The following BIRC6 variants were observed in gnomAD, a reference collection of about 807,000 sequenced individuals.
The protein encoded by BIRC6 is baculoviral IAP repeat containing 6, also known as dual E2 ubiquitin-conjugating enzyme/E3 ubiquitin-protein ligase BIRC6.
In BIRC6, 98 loss-of-function variants were observed where a neutral mutation model predicts 503.3. The observed-to-expected ratio is 0.19, with a 90% CI of 0.17 to 0.23. The LOEUF is 0.23. Among genes scored for constraint, BIRC6 ranks in the 10% least tolerant of loss-of-function variants. The probability of loss-of-function intolerance (pLI) is 1.00; values close to 1 mark genes in which losing one functional copy is unlikely to be tolerated. For missense variants in BIRC6, 5,360 were observed against 5,806.0 expected (o/e 0.92, Z 2.50); for synonymous variants, 2,240 against 2,078.7 (o/e 1.08, Z -2.11).
chr2:32,454,345 C>CT (rs934417216), intron 23 of BIRC6, among the ~76,000 whole-genome samples: 2 of 151,956 alleles, frequency 1.3e-5, no homozygotes, highest in Non-Finnish European at 2.9e-5. Flanking sequence ...TTAAAACAAC[C>CT]TTGAATATGT....
intron 8 of BIRC6, among the ~76,000 whole-genome samples, chr2:32,404,333 T>C (rs1389044820): frequency 6.6e-6 from 1 of 152,120 alleles, no homozygotes; most frequent in Admixed American, 6.5e-5. Flanking sequence ...TTTTTCTTTT[T>C]TTTTGAGAGA....
intron 22 of BIRC6, among the ~76,000 whole-genome samples, chr2:32,450,509 G>A (rs1207132839): frequency 6.6e-6 from 1 of 151,998 alleles, no homozygotes; most frequent in Non-Finnish European, 1.5e-5. Flanking sequence ...TCATTGTGTT[G>A]TTCCTCATTA....
At chr2:32,462,576 G>A (rs532892408) in intron 23 of BIRC6, among the ~76,000 whole-genome samples, 25 of 152,212 alleles carry the variant, frequency 1.6e-4, no homozygotes, top group African/African-American at 5.5e-4. Context: ...ACTTAGTAAA[G>A]CAAATTTATT....
chr2:32,508,770 A>G (rs2054075234), intron 51 of BIRC6, among the ~76,000 whole-genome samples: 1 of 152,120 alleles, frequency 6.6e-6, no homozygotes, highest in Non-Finnish European at 1.5e-5. Context: ...GATGGATTTT[A>G]TTGAAAGTTC....
intron 51 of BIRC6, 71 bp downstream of exon 51, chr2:32,508,330 ATTATT>A (rs1396590830): frequency 1.9e-5 from 25 of 1,346,792 alleles, no homozygotes; most frequent in Non-Finnish European, 2.4e-5. Context: ...AGGGGACTTA[ATTATT>A]TTGTGGGTTT....
At chr2:32,525,306 C>T (rs1045104771) in intron 58 of BIRC6, among the ~76,000 whole-genome samples, 158 bp from the exon 59 acceptor site, 15 of 152,026 alleles carry the variant, frequency 9.9e-5, no homozygotes, top group African/African-American at 2.7e-4. Context: ...TCATGAAGGA[C>T]GAATAGAATT....
At chr2:32,496,152 A>C (rs2052442602) in intron 45 of BIRC6, among the ~76,000 whole-genome samples, 2 of 151,840 alleles carry the variant, frequency 1.3e-5, no homozygotes, top group Non-Finnish European at 2.9e-5. Context: ...TTTTTTGAAA[A>C]TACTTTCCTT....
intron 23 of BIRC6, among the ~76,000 whole-genome samples, chr2:32,461,022 CTT>C (rs2047854343): frequency 9.0e-5 from 6 of 66,566 alleles, no homozygotes; most frequent in Non-Finnish European, 2.0e-4. Context: ...CTTCTCTTCT[CTT>C]CTCTTCTCTT....
Position 32,468,057 on chromosome 2 carries a change from A to T in BIRC6, c.5726A>T (p.Glu1909Val). 6 of 1,613,928 alleles carry T rather than the reference A, an allele frequency of 3.7e-6. No individual in the cohort carries two copies. Among genetic ancestry groups the T allele is most frequent in the Non-Finnish European group, 5.1e-6 (6 of 1,179,870 alleles). Residue 1909 changes from glutamate (E) to valine (V), a missense_variant, in exon 28 of 74, where the codon GAA becomes GTA. By Grantham distance (121) the Glu-to-Val change is moderately radical. Around this residue, in one of 16 missense-constraint regions of BIRC6, gnomAD observed 2,299 missense variants for 2,267.2 expected, o/e 1.01. Coordinates refer to ENST00000421745, the MANE Select transcript of BIRC6 (RefSeq NM_016252.4). ...GAGGGAGAATCTGCAAACCAGCCAG[A>T]AATTGACCAGCATTTAGCAATGATG... The part of the protein sequence containing the change: ...KGEGESANQP[E>V]IDQHLAMMVA...
chr2:32,553,512 C>T (rs1030833215), intron 65 of BIRC6, among the ~76,000 whole-genome samples: 3 of 152,022 alleles, frequency 2.0e-5, no homozygotes, highest in Non-Finnish European at 2.9e-5. Context: ...CTCAGCCACC[C>T]GAGTAGCTGG....
intron 19 of BIRC6, 33 bp from the exon 20 acceptor site, chr2:32,443,458 T>A (rs2148357557): frequency 5.5e-6 from 8 of 1,461,582 alleles, no homozygotes; most frequent in Non-Finnish European, 7.5e-6. Flanking sequence ...TTGAGTAATG[T>A]CTTTACAATT....
intron 38 of BIRC6, among the ~76,000 whole-genome samples, chr2:32,482,058 A>G (rs886338523): frequency 2.0e-5 from 3 of 152,212 alleles, no homozygotes; most frequent in Admixed American, 6.5e-5. Context: ...CCAACATTTC[A>G]GACAGCCATC....
intron 39 of BIRC6, among the ~76,000 whole-genome samples, chr2:32,485,220 A>G (rs572217784): frequency 6.6e-6 from 1 of 152,310 alleles, no homozygotes; most frequent in African/African-American, 2.4e-5. Flanking sequence ...GTGAACACAC[A>G]CACTTGGCAT....
rs757476615 is a variant in BIRC6 at position 32,508,125 on chromosome 2, A to G, written c.9846A>G (p.Leu3282=). The G allele has an allele frequency of 5.6e-6, 9 of 1,613,820 alleles. No homozygotes were observed. Among genetic ancestry groups the G allele is most frequent in the Admixed American group, 3.3e-5 (2 of 60,000 alleles). The stretch of plus-strand genomic sequence containing the variant: ...TAGCTTCTGCTGTCTGCCTTAGACT[A>G]CATCGTCCACGGGATGCCAGCACAT... ...AEVASAVCLR[L]HRPRDASTLG... is the part of the protein sequence containing the mutation. Residue 3282 remains leucine, a synonymous_variant, in exon 51 of 74, where the codon CTA becomes CTG. Transcript: ENST00000421745.
chr2:32,439,769 ACCTT>A, intron 16 of BIRC6, 83 bp downstream of exon 16: 4 of 1,240,186 alleles, frequency 3.2e-6, no homozygotes, highest in Non-Finnish European at 4.5e-6. Context: ...AAGTAGTATG[ACCTT>A]TCAGTGATGT....
intron 23 of BIRC6, among the ~76,000 whole-genome samples, chr2:32,457,670 C>A (rs2047399278): frequency 6.6e-6 from 1 of 151,914 alleles, no homozygotes; most frequent in Non-Finnish European, 1.5e-5. Context: ...CCTCATAATT[C>A]CATTTTCATT....
intron 34 of BIRC6, among the ~76,000 whole-genome samples, chr2:32,477,123 A>G (rs1013422228): frequency 6.6e-6 from 1 of 152,138 alleles, no homozygotes; most frequent in African/African-American, 2.4e-5. Context: ...TCTACATTGA[A>G]TGTCTGTAGA....
At chr2:32,405,332 C>T (rs562202542) in intron 8 of BIRC6, among the ~76,000 whole-genome samples, 2 of 152,220 alleles carry the variant, frequency 1.3e-5, no homozygotes, top group Non-Finnish European at 2.9e-5. Flanking sequence ...TTGTAAATTA[C>T]AGCATTAAAT....
intron 23 of BIRC6, among the ~76,000 whole-genome samples, chr2:32,455,310 G>C (rs1426937821): frequency 1.3e-5 from 2 of 151,174 alleles, no homozygotes; most frequent in East Asian, 3.9e-4. Flanking sequence ...AACGTGAGAG[G>C]TGGAGCTTGC....
Sources: allele counts gnomAD v4.1 joint callset (sites outside exome capture counted in the v4.1 genomes callset), GRCh38; gene constraint gnomAD v4.1.1; regional missense constraint gnomAD v4.1.1; transcripts MANE v1.5; gene names NCBI Gene and HGNC (gene_info 2026-07-23, HGNC 2026-07-21).